STK17A: variants seen among roughly 807,000 people sequenced by gnomAD.
STK17A encodes serine/threonine-protein kinase 17A.
STK17A carries 26 observed loss-of-function variants against 43.7 expected under a neutral mutation model. That is an observed-to-expected ratio of 0.60 (90% CI 0.44 to 0.83). The LOEUF (loss-of-function observed/expected upper bound fraction) is 0.83. Ranked by LOEUF, STK17A falls within the 40% of genes least tolerant of loss-of-function variation. STK17A has a pLI of 0.00. For synonymous variants in STK17A, 191 were observed against 182.5 expected (o/e 1.05, Z -0.38); for missense variants, 476 against 511.6 (o/e 0.93, Z 0.67).
rs183023006 is a variant in STK17A at position 43,584,766 on chromosome 7, G to A, written c.206+1317G>A. On this transcript the variant is annotated intron_variant, in intron 1 of 6. Coordinates refer to ENST00000319357, the MANE Select transcript of STK17A (RefSeq NM_004760.3). ...AAGGAAAAACACCTTTCAGGAACAAGATTTACTTCACTGCTAGGCCCTAGT... is the reference window on the plus strand; with the variant it reads ...AAGGAAAAACACCTTTCAGGAACAAAATTTACTTCACTGCTAGGCCCTAGT... 5.4e-4 allele frequency among the ~76,000 whole-genome samples: 82 copies of A among 152,304 alleles called. 1 individual carries two copies. The highest frequency in any genetic ancestry group is 3.4e-3 in the Middle Eastern group (1 of 294).
intron 3 of STK17A, among the ~76,000 whole-genome samples, chr7:43,619,133 C>T (rs1029778435): frequency 6.6e-6 from 1 of 152,196 alleles, no homozygotes; most frequent in Non-Finnish European, 1.5e-5. Flanking sequence ...CTGAAAGACA[C>T]AGACGGGATT....
intron 2 of STK17A, among the ~76,000 whole-genome samples, chr7:43,597,554 T>G (rs2082526105): frequency 6.6e-6 from 1 of 152,120 alleles, no homozygotes; most frequent in Non-Finnish European, 1.5e-5. Context: ...CCTGGCTAAT[T>G]TTTTGTATTT....
chr7:43,619,208 G>A (rs4077510), intron 3 of STK17A, among the ~76,000 whole-genome samples: 50,972 of 151,856 alleles, frequency 0.34, 9,644 homozygotes, highest in Non-Finnish European at 0.44. Context: ...CAAGGGGTCA[G>A]AAGAGATTTA....
At chr7:43,585,859 A>G (rs1303476397) in intron 1 of STK17A, among the ~76,000 whole-genome samples, 1 of 151,644 alleles carries the variant, frequency 6.6e-6, no homozygotes, top group African/African-American at 2.4e-5. Flanking sequence ...TGTAACCCAA[A>G]AAGAAAACCT....
At chr7:43,589,938 AT>A (rs369060317) in intron 1 of STK17A, among the ~76,000 whole-genome samples, 35,512 of 94,806 alleles carry the variant, frequency 0.37, 5,834 homozygotes, top group Non-Finnish European at 0.46. Flanking sequence ...TTTAATTTTA[AT>A]TTTATTTTAT....
At chr7:43,595,088 C>T (rs2152971047) in intron 1 of STK17A, among the ~76,000 whole-genome samples, 1 of 152,070 alleles carries the variant, frequency 6.6e-6, no homozygotes, top group African/African-American at 2.4e-5. Context: ...ATCAATATAA[C>T]ACTTTGTTGT....
intron 3 of STK17A, among the ~76,000 whole-genome samples, chr7:43,616,542 A>G (rs2083362121): frequency 6.6e-6 from 1 of 152,136 alleles, no homozygotes; most frequent in African/African-American, 2.4e-5. Flanking sequence ...ACCTACGGGC[A>G]TTTTCATAAT....
intron 3 of STK17A, among the ~76,000 whole-genome samples, chr7:43,612,812 G>A (rs10235858): frequency 0.15 from 22,287 of 151,886 alleles, 2,184 homozygotes; most frequent in Non-Finnish European, 0.21. Flanking sequence ...AGTTCTTGGG[G>A]TGGGGGAGGG....
intron 3 of STK17A, among the ~76,000 whole-genome samples, chr7:43,619,076 C>T (rs1281772185): frequency 1.3e-5 from 2 of 152,192 alleles, no homozygotes; most frequent in African/African-American, 2.4e-5. Context: ...TACAAGGATG[C>T]TTGACAGTGC....
At chr7:43,608,575 G>A in intron 3 of STK17A, 175 bp downstream of exon 3, 1 of 631,592 alleles carries the variant, frequency 1.6e-6, no homozygotes, top group South Asian at 2.2e-5. Flanking sequence ...GGGAGATAAT[G>A]CACACATGTG....
intron 2 of STK17A, among the ~76,000 whole-genome samples, chr7:43,600,550 G>T (rs2082548157): frequency 6.6e-6 from 1 of 152,204 alleles, no homozygotes; most frequent in South Asian, 2.1e-4. Context: ...ATATACAGAT[G>T]AAAATATTTT....
intron 3 of STK17A, among the ~76,000 whole-genome samples, chr7:43,614,267 G>A (rs76479702): frequency 0.18 from 27,067 of 151,910 alleles, 3,341 homozygotes; most frequent in Non-Finnish European, 0.26. Context: ...ATCTATTTAC[G>A]GACCGTCTGC....
At chr7:43,621,053 A>T (rs886274850) in intron 4 of STK17A, among the ~76,000 whole-genome samples, 1 of 152,252 alleles carries the variant, frequency 6.6e-6, no homozygotes, top group African/African-American at 2.4e-5. Context: ...GGATGTTACA[A>T]GAAAAGAGCT....
intron 3 of STK17A, 50 bp from the exon 4 acceptor site, chr7:43,619,547 G>A (rs752634233): frequency 1.2e-5 from 19 of 1,590,178 alleles, no homozygotes; most frequent in Non-Finnish European, 1.5e-5. Context: ...CATGTTTTGT[G>A]TACTTAATCA....
In STK17A at chr7:43,595,988, C is replaced by T. The variant is rs779390398; in HGVS notation, c.294C>T (p.Gly98=). ...AAKFMRKRRK[G]QDCRMEIIHE... ...AGTTCATGAGAAAAAGAAGAAAAGG[C>T]CAAGATTGTCGGATGGAAATAATTC... Residue 98 remains glycine (G), a synonymous_variant, in exon 2 of 7, where the codon GGC becomes GGT. Transcript: ENST00000319357. The T allele has an allele frequency of 3.7e-6, 6 of 1,613,740 alleles. No homozygotes were observed. The Admixed American group carries it at 6.7e-5, about 18-fold the overall frequency.
intron 3 of STK17A, chr7:43,609,766 C>A (rs1351333222): frequency 6.6e-6 from 1 of 152,224 alleles, no homozygotes; most frequent in South Asian, 2.1e-4. Context: ...AGGATGGTAA[C>A]CTGAGAAGGC....
rs142233421 is a variant in STK17A at position 43,617,470 on chromosome 7, T to C, written c.565-2127T>C. ...ATTTAAAATCAACTATGGTGACATG[T>C]TAGCTAAATGGAAGAGCGGGGAGGA... On this transcript the variant is annotated intron_variant, in intron 3 of 6. Transcript: ENST00000319357. Among the ~76,000 whole-genome samples the C allele has an allele frequency of 5.9e-5, 9 of 152,312 alleles. No individual in the cohort carries two copies. In the East Asian group the frequency reaches 1.7e-3, roughly 29 times the overall value.
intron 3 of STK17A, among the ~76,000 whole-genome samples, chr7:43,612,574 A>G (rs2082971815): frequency 2.6e-5 from 4 of 152,248 alleles, no homozygotes; most frequent in Admixed American, 2.0e-4. Context: ...GGTAATTTTG[A>G]ATTATTAGGC....
chr7:43,613,007 A>G (rs1287809204), intron 3 of STK17A, among the ~76,000 whole-genome samples: 4 of 152,232 alleles, frequency 2.6e-5, no homozygotes, highest in African/African-American at 9.6e-5. Flanking sequence ...GTACCCAAAC[A>G]GTCTCAATAA....
Sources: allele counts gnomAD v4.1 joint callset (sites outside exome capture counted in the v4.1 genomes callset), GRCh38; gene constraint gnomAD v4.1.1; transcripts MANE v1.5; gene names NCBI Gene and HGNC (gene_info 2026-07-23, HGNC 2026-07-21).